ACTR3B: variants seen among roughly 807,000 people sequenced by gnomAD.
ACTR3B encodes actin-related protein 3B.
Under a neutral mutation model 59.0 loss-of-function variants are expected in ACTR3B, and 8 were observed. The observed-to-expected ratio is 0.14, with a 90% confidence interval of 0.08 to 0.24. The LOEUF is 0.24. Ranked by LOEUF, ACTR3B falls within the 10% of genes least tolerant of loss-of-function variation. ACTR3B has a pLI of 1.00. For missense variants in ACTR3B, 245 were observed against 552.3 expected (o/e 0.44, Z 5.58); for synonymous variants, 148 against 197.9 (o/e 0.75, Z 2.12).
intron 9 of ACTR3B, among the ~76,000 whole-genome samples, 164 bp downstream of exon 9, chr7:152,825,286 T>C (rs1274186979): frequency 6.6e-6 from 1 of 151,964 alleles, no homozygotes; most frequent in East Asian, 1.9e-4. Context: ...AATGGAAATA[T>C]GACTCAGTTA....
At chr7:152,794,958 C>A (rs2098210807) in intron 2 of ACTR3B, among the ~76,000 whole-genome samples, 1 of 151,876 alleles carries the variant, frequency 6.6e-6, no homozygotes, top group Admixed American at 6.6e-5. Context: ...TGATTTCTGC[C>A]CTGTGTCTTT....
At chr7:152,852,316 T>C in intron 10 of ACTR3B, 65 bp downstream of exon 10, 1 of 1,535,230 alleles carries the variant, frequency 6.5e-7, no homozygotes, top group Non-Finnish European at 8.7e-7. Flanking sequence ...GGGGCCCTCC[T>C]GACACAGAGC....
At chr7:152,792,636 A>G (rs1208378414) in intron 2 of ACTR3B, among the ~76,000 whole-genome samples, 1 of 151,934 alleles carries the variant, frequency 6.6e-6, no homozygotes, top group African/African-American at 2.4e-5. Flanking sequence ...AGTACCAGCT[A>G]TTTCGGGAGG....
At chr7:152,793,853 T>C (rs1165607871) in intron 2 of ACTR3B, among the ~76,000 whole-genome samples, 2 of 151,670 alleles carry the variant, frequency 1.3e-5, no homozygotes, top group Non-Finnish European at 2.9e-5. Context: ...GGAATGGGGA[T>C]ACCACTTCAT....
At chr7:152,817,708 T>TG (rs554357191) in intron 6 of ACTR3B, among the ~76,000 whole-genome samples, 7 of 152,116 alleles carry the variant, frequency 4.6e-5, no homozygotes, top group Admixed American at 1.3e-4. Context: ...CATATGTATA[T>TG]GGGGGGGTGT....
chr7:152,794,896 T>C (rs1253007197), intron 2 of ACTR3B, among the ~76,000 whole-genome samples: 39 of 152,210 alleles, frequency 2.6e-4, no homozygotes, highest in Admixed American at 2.6e-3. Flanking sequence ...TTGATATCTT[T>C]GAGACTTTAA....
chr7:152,779,268 C>G (rs1391758628), intron 1 of ACTR3B, among the ~76,000 whole-genome samples: 2 of 151,928 alleles, frequency 1.3e-5, no homozygotes, highest in East Asian at 3.9e-4. Context: ...GCGCACAGCC[C>G]CTGGGAATCT....
intron 9 of ACTR3B, among the ~76,000 whole-genome samples, chr7:152,836,674 AT>A (rs1260283580): frequency 6.6e-6 from 1 of 151,790 alleles, no homozygotes; most frequent in Non-Finnish European, 1.5e-5. Flanking sequence ...TGAAAACAGT[AT>A]TAGATGAATA....
Position 152,833,036 on chromosome 7 carries a change from GCCAGGGGGC to G in ACTR3B, c.951+7917_951+7925del, listed in dbSNP as rs973227879. Among the ~76,000 whole-genome samples, 5 of 152,138 alleles carry G rather than the reference GCCAGGGGGC, an allele frequency of 3.3e-5. No individual in the cohort carries two copies. The South Asian group carries it at 6.2e-4, about 19-fold the overall frequency. Reference sequence around the variant, plus strand: ...TGAGAAGAGAAAGAAAACTCTAGAAGCCAGGGGGCCCTGTTAAGTGGCACTGAGAGGTCA... The same window carrying G: ...TGAGAAGAGAAAGAAAACTCTAGAAGCCTGTTAAGTGGCACTGAGAGGTCA... On this transcript the variant is annotated intron_variant, in intron 9 of 11. Transcript: ENST00000256001.
intron 7 of ACTR3B, among the ~76,000 whole-genome samples, chr7:152,823,009 G>A (rs1428126049): frequency 6.6e-6 from 1 of 152,240 alleles, no homozygotes. Context: ...GGCCATAGGA[G>A]GCATCTGAGA....
intron 1 of ACTR3B, among the ~76,000 whole-genome samples, chr7:152,772,395 C>T (rs1342065279): frequency 6.6e-6 from 1 of 151,336 alleles, no homozygotes; most frequent in Non-Finnish European, 1.5e-5. Flanking sequence ...TGTGGTGATG[C>T]GTGCCTGTGG....
intron 1 of ACTR3B, among the ~76,000 whole-genome samples, chr7:152,772,076 C>T (rs1428933254): frequency 1.3e-5 from 2 of 152,130 alleles, no homozygotes; most frequent in East Asian, 3.9e-4. Flanking sequence ...AAAAACAAAA[C>T]AAAACAAACC....
Position 152,781,935 on chromosome 7 carries a change from G to A in ACTR3B, c.45-1252G>A, listed in dbSNP as rs554121232. Reference sequence around the variant, plus strand: ...TCCAGAAGCTCCTTGTAGGCCTGAGGAGTCTCAGGACTTGGCATTGCCCTG... The same window carrying A: ...TCCAGAAGCTCCTTGTAGGCCTGAGAAGTCTCAGGACTTGGCATTGCCCTG... On this transcript the variant is annotated intron_variant, in intron 1 of 11. Transcript: ENST00000256001. 3.8e-4 allele frequency among the ~76,000 whole-genome samples: 57 copies of A among 151,980 alleles called. 1 individual carries two copies. In the South Asian group the frequency reaches 0.011, roughly 29 times the overall value.
intron 6 of ACTR3B, among the ~76,000 whole-genome samples, chr7:152,817,884 G>T (rs747349119): frequency 4.3e-4 from 66 of 152,200 alleles, no homozygotes; most frequent in Admixed American, 2.3e-3. Context: ...AGGTATCACT[G>T]CAGAGGAAAG....
At chr7:152,831,733 C>T (rs1487649318) in intron 9 of ACTR3B, among the ~76,000 whole-genome samples, 2 of 152,120 alleles carry the variant, frequency 1.3e-5, no homozygotes, top group African/African-American at 4.8e-5. Flanking sequence ...TAGCGCAATC[C>T]TGTGGGTCTG....
intron 9 of ACTR3B, among the ~76,000 whole-genome samples, chr7:152,838,389 C>T (rs1394700423): frequency 2.0e-5 from 3 of 152,156 alleles, no homozygotes; most frequent in Non-Finnish European, 4.4e-5. Flanking sequence ...TTTGCAGGGA[C>T]GTGGATGAAG....
In ACTR3B at chr7:152,845,141, T is replaced by C. The variant is rs573300107; in HGVS notation, c.952-6985T>C. On this transcript the variant is annotated intron_variant, in intron 9 of 11. Coordinates refer to ENST00000256001, the MANE Select transcript of ACTR3B (RefSeq NM_020445.6). ...TTAGGGACTTTTGTTTTCTTCAACTTGTCTTTGCTTTGAAGTTTTAATATA... is the reference window on the plus strand; with the variant it reads ...TTAGGGACTTTTGTTTTCTTCAACTCGTCTTTGCTTTGAAGTTTTAATATA... 8.6e-5 allele frequency among the ~76,000 whole-genome samples: 13 copies of C among 151,392 alleles called. No individual in the cohort carries two copies. The South Asian group carries it at 2.7e-3, about 32-fold the overall frequency.
chr7:152,846,782 C>T lies in ACTR3B; in HGVS notation c.952-5344C>T, dbSNP rs1798352874. Among the ~76,000 whole-genome samples the T allele has an allele frequency of 1.5e-5, 2 of 135,882 alleles. 1 individual carries two copies. Among genetic ancestry groups the T allele is most frequent in the Non-Finnish European group, 3.1e-5 (2 of 64,990 alleles). 89.1% of individuals were successfully genotyped at this position (135,882 alleles called of 152,430 possible). ...GAGCTCTAGTGCCCGGGGCTGTAGT[C>T]TGTAGTGAGCTCTAGTGCCTGGGCT... is the stretch of plus-strand genomic sequence containing the variant. On this transcript the variant is annotated intron_variant, in intron 9 of 11. Coordinates refer to ENST00000256001, the MANE Select transcript of ACTR3B (RefSeq NM_020445.6).
At chr7:152,778,652 TTTGG>T (rs2116583158) in intron 1 of ACTR3B, among the ~76,000 whole-genome samples, 1 of 151,894 alleles carries the variant, frequency 6.6e-6, no homozygotes, top group East Asian at 1.9e-4. Flanking sequence ...AATTGCTGCA[TTTGG>T]TAGCTGGGCT....
Sources: gnomAD v4.1 joint callset for allele counts (sites outside exome capture counted in the v4.1 genomes callset) on GRCh38, gnomAD v4.1.1 for gene constraint, MANE v1.5 for transcripts, NCBI Gene and HGNC (gene_info 2026-07-23, HGNC 2026-07-21) for gene names.